The following NINJ2 variants were observed in gnomAD, a reference collection of about 807,000 sequenced individuals.
NINJ2 encodes the protein ninjurin 2.
Under a neutral mutation model 11.7 loss-of-function variants are expected in NINJ2, and 12 were observed. The ratio of observed to expected loss-of-function variants is 1.02; its 90% CI spans 0.66 to 1.66. NINJ2 has a LOEUF of 1.66. Ranked by LOEUF, NINJ2 falls within the 40% of genes most tolerant of loss-of-function variation. The pLI is 0.00. For missense variants in NINJ2, 187 were observed against 181.8 expected, an observed-to-expected ratio of 1.03 and a Z score of -0.16; for synonymous variants, 93 against 76.8, an observed-to-expected ratio of 1.21 and a Z score of -1.10.
chr12:649,886 A>C (rs530216759), intron 1 of NINJ2, among the ~76,000 whole-genome samples: 160 of 152,206 alleles, frequency 1.1e-3, no homozygotes, highest in African/African-American at 3.7e-3. Context: ...TAGCATTTTG[A>C]TATTCCCTTA....
At chr12:639,708 G>T (rs189070900) in intron 1 of NINJ2, among the ~76,000 whole-genome samples, 1 of 152,272 alleles carries the variant, frequency 6.6e-6, no homozygotes, top group African/African-American at 2.4e-5. Flanking sequence ...TGTTAGTCAA[G>T]TGATATACAT....
chr12:615,063 A>T (rs1948075665), intron 1 of NINJ2, among the ~76,000 whole-genome samples: 1 of 152,118 alleles, frequency 6.6e-6, no homozygotes, highest in African/African-American at 2.4e-5. Flanking sequence ...GTGAATGTGT[A>T]AGGTAGGGGA....
chr12:652,992 G>GTGA (rs1937817378), intron 1 of NINJ2, among the ~76,000 whole-genome samples: 2 of 146,952 alleles, frequency 1.4e-5, no homozygotes, highest in Non-Finnish European at 3.0e-5. Context: ...TCATACATTT[G>GTGA]TGATATACAA....
At chr12:574,465 G>A (rs1947424433) in intron 1 of NINJ2, among the ~76,000 whole-genome samples, 1 of 152,104 alleles carries the variant, frequency 6.6e-6, no homozygotes. Context: ...GGAACTTTAA[G>A]AGGCAATTGG....
Position 566,026 on chromosome 12 carries a change from G to A in NINJ2, c.186C>T (p.Tyr62=), listed in dbSNP as rs752392590. The A allele has an allele frequency of 1.2e-6, 2 of 1,614,220 alleles. No individual in the cohort carries two copies. Among genetic ancestry groups the A allele is most frequent in the Admixed American group, 1.7e-5 (1 of 60,022 alleles). ...AVLEQGPSSH[Y]YTTLVTLISL... ...TGATGAGGGTGACCAGGGTGGTGTA[G>A]TAGTGAGAGGATGGTCCCTGCTCCA... The change falls in exon 2 of 4, where the codon TAC becomes TAT. Residue 62 remains tyrosine, a synonymous_variant. Coordinates refer to ENST00000305108, the MANE Select transcript of NINJ2 (RefSeq NM_016533.6).
chr12:660,396 A>G (rs1937942530), intron 1 of NINJ2, among the ~76,000 whole-genome samples: 2 of 145,246 alleles, frequency 1.4e-5, no homozygotes, highest in South Asian at 4.4e-4. Context: ...TCAAAAGTGC[A>G]GTGGCACGAT....
chr12:622,554 C>T (rs1003964695), intron 1 of NINJ2, among the ~76,000 whole-genome samples: 2 of 151,992 alleles, frequency 1.3e-5, no homozygotes, highest in African/African-American at 2.4e-5. Context: ...TTGCCACTTC[C>T]TAGTATTTGT....
intron 1 of NINJ2, among the ~76,000 whole-genome samples, chr12:599,062 A>T (rs1305493504): frequency 6.6e-6 from 1 of 152,018 alleles, no homozygotes; most frequent in Non-Finnish European, 1.5e-5. Context: ...AGAGAGAAAT[A>T]TTGAAATAAA....
At chr12:619,521 A>C (rs1948129756) in intron 1 of NINJ2, among the ~76,000 whole-genome samples, 1 of 152,162 alleles carries the variant, frequency 6.6e-6, no homozygotes, top group South Asian at 2.1e-4. Flanking sequence ...CTTTGTACAC[A>C]GGCTGTGAGC....
intron 1 of NINJ2, among the ~76,000 whole-genome samples, chr12:617,755 CCA>C (rs1948110796): frequency 6.6e-6 from 1 of 152,134 alleles, no homozygotes; most frequent in Admixed American, 6.6e-5. Context: ...CTTTGTTTAG[CCA>C]CAGAGATTGG....
intron 1 of NINJ2, among the ~76,000 whole-genome samples, chr12:604,469 C>G (rs997528070): frequency 3.3e-5 from 5 of 152,130 alleles, no homozygotes; most frequent in Non-Finnish European, 5.9e-5. Context: ...GAAACCCCGT[C>G]TCTACTAAAA....
In NINJ2 at chr12:601,285, G is replaced by A. The variant is rs141713835; in HGVS notation, c.34-35107C>T. Among the ~76,000 whole-genome samples, 669 of 152,320 alleles carry A rather than the reference G, an allele frequency of 4.4e-3. 7 individuals carry two copies. The highest frequency in any genetic ancestry group is 4.4e-3 in the South Asian group (21 of 4,826). Reference sequence around the variant, plus strand: ...AAACAGGCCGGGCGCAGTGGCTCACGCCTGTAATCCCAGCACTTTGGGAGG... The same window carrying A: ...AAACAGGCCGGGCGCAGTGGCTCACACCTGTAATCCCAGCACTTTGGGAGG... On this transcript the variant is annotated intron_variant, in intron 1 of 3. Coordinates refer to ENST00000305108, the MANE Select transcript of NINJ2 (RefSeq NM_016533.6).
chr12:599,331 C>A (rs947079293), intron 1 of NINJ2, among the ~76,000 whole-genome samples: 13 of 152,096 alleles, frequency 8.5e-5, no homozygotes, highest in Non-Finnish European at 7.4e-5. Context: ...TTGCAGTGAG[C>A]CGAGATTGCG....
In NINJ2 at chr12:628,625, A is replaced by G. The variant is rs1244383089; in HGVS notation, c.33+34703T>C. Among the ~76,000 whole-genome samples the G allele has an allele frequency of 6.6e-6, 1 of 152,146 alleles. No individual in the cohort carries two copies. Among genetic ancestry groups the G allele is most frequent in the East Asian group, 1.9e-4 (1 of 5,192 alleles). ...CTGAGACCTGCTAGGTGGCATTCCC[A>G]GGAGGTTAGGCATTCTTAGTCACAG... On this transcript the variant is annotated intron_variant, in intron 1 of 3. Transcript: ENST00000305108. This position sits in a 1 kb window ranked among gnomAD's most constrained non-coding sequence, Gnocchi z 4.4.
chr12:660,795 T>C (rs1353196005), intron 1 of NINJ2, among the ~76,000 whole-genome samples: 1 of 152,128 alleles, frequency 6.6e-6, no homozygotes, highest in Non-Finnish European at 1.5e-5. Flanking sequence ...ACCCTGTCTC[T>C]ACTAAAAATA....
intron 1 of NINJ2, among the ~76,000 whole-genome samples, chr12:626,814 T>C (rs10744695): frequency 0.97 from 148,204 of 152,252 alleles, 72,265 homozygotes; most frequent in East Asian, 1. Flanking sequence ...AGCTTGGTGC[T>C]GTAGCTTGCG....
intron 1 of NINJ2, among the ~76,000 whole-genome samples, chr12:656,291 G>C (rs1412443453): frequency 6.6e-6 from 1 of 152,112 alleles, no homozygotes; most frequent in Admixed American, 6.6e-5. Context: ...TTGAACCCAG[G>C]AGGCGGAGGT....
chr12:650,015 T>A (rs1937763149), intron 1 of NINJ2, among the ~76,000 whole-genome samples: 1 of 152,150 alleles, frequency 6.6e-6, no homozygotes, highest in Admixed American at 6.6e-5. Context: ...TCAATGAACA[T>A]CTTTGCATAT....
chr12:584,804 C>CAAAACA (rs1441818016), intron 1 of NINJ2, among the ~76,000 whole-genome samples: 16 of 150,278 alleles, frequency 1.1e-4, no homozygotes, highest in Non-Finnish European at 1.9e-4. Context: ...AGACGTCTCT[C>CAAAACA]AAAACAAAAA....
Sources: allele counts gnomAD v4.1 joint callset (sites outside exome capture counted in the v4.1 genomes callset), GRCh38; gene constraint gnomAD v4.1.1; non-coding constraint Gnocchi (gnomAD v3.1); transcripts MANE v1.5; gene names NCBI Gene and HGNC (gene_info 2026-07-23, HGNC 2026-07-21).